TSHR: variants seen among roughly 807,000 people sequenced by gnomAD.
TSHR encodes the protein thyroid stimulating hormone receptor.
A neutral mutation model predicts 64.1 loss-of-function variants in TSHR; 51 were observed. That is an observed-to-expected ratio of 0.80 (90% CI 0.64 to 1.01). The LOEUF (loss-of-function observed/expected upper bound fraction) is 1.01, where lower values mean the gene tolerates loss of function less well. TSHR is among the 50% of genes least tolerant of loss of function. TSHR has a pLI of 0.00. For synonymous variants in TSHR, 361 were observed against 361.9 expected, an observed-to-expected ratio of 1.00 and a Z score of 0.03; for missense variants, 877 against 942.8, an observed-to-expected ratio of 0.93 and a Z score of 0.91.
intron 1 of TSHR, among the ~76,000 whole-genome samples, chr14:80,962,441 C>A (rs1192323320): frequency 6.6e-6 from 1 of 152,210 alleles, no homozygotes; most frequent in Non-Finnish European, 1.5e-5. Flanking sequence ...CTTTCTGGCT[C>A]TTCCTAGGGG....
At chr14:81,085,065 G>A (rs998546117) in intron 3 of TSHR, among the ~76,000 whole-genome samples, 6 of 152,158 alleles carry the variant, frequency 3.9e-5, no homozygotes, top group Admixed American at 1.3e-4. Flanking sequence ...GCGTTCAAGC[G>A]ATTCTCATGT....
At chr14:81,082,522 C>T (rs1368271977) in intron 3 of TSHR, among the ~76,000 whole-genome samples, 1 of 152,166 alleles carries the variant, frequency 6.6e-6, no homozygotes, top group African/African-American at 2.4e-5. Flanking sequence ...TCTGCTAAGT[C>T]CGAGTGCACT....
At chr14:81,115,014 C>T (rs1890429106) in intron 8 of TSHR, among the ~76,000 whole-genome samples, 2 of 152,114 alleles carry the variant, frequency 1.3e-5, no homozygotes, top group Non-Finnish European at 2.9e-5. Context: ...GACATCCACA[C>T]CAAAAACCCG....
At chr14:81,108,945 A>T in intron 8 of TSHR, 1 of 1,361,034 alleles carries the variant, frequency 7.3e-7, no homozygotes, top group South Asian at 1.6e-5. Flanking sequence ...ACAGCATGAA[A>T]ACATACCTAT....
At chr14:81,017,532 T>G (rs968310890) in intron 1 of TSHR, among the ~76,000 whole-genome samples, 1 of 152,146 alleles carries the variant, frequency 6.6e-6, no homozygotes, top group Non-Finnish European at 1.5e-5. Context: ...CCAGAACAGC[T>G]GGTACCCAAA....
Position 81,026,928 on chromosome 14 carries a change from T to C in TSHR, c.171-35220T>C, listed in dbSNP as rs897905412. Among the ~76,000 whole-genome samples, 3 of 150,340 alleles carry C rather than the reference T, an allele frequency of 2.0e-5. No individual in the cohort carries two copies. In the South Asian group the frequency reaches 6.3e-4, roughly 32 times the overall value. On this transcript the variant is annotated intron_variant, in intron 1 of 9. Coordinates refer to ENST00000298171, the MANE Select transcript of TSHR (RefSeq NM_000369.5). ...GCGGGCACCTATAATCCCAGCTATTTGGGAGGCTGAGGCAGGGGAATCACT... is the reference window on the plus strand; with the variant it reads ...GCGGGCACCTATAATCCCAGCTATTCGGGAGGCTGAGGCAGGGGAATCACT...
intron 8 of TSHR, among the ~76,000 whole-genome samples, chr14:81,128,245 T>C (rs764971814): frequency 2.0e-5 from 3 of 152,184 alleles, no homozygotes; most frequent in South Asian, 2.1e-4. Flanking sequence ...TCTTTACAGA[T>C]AGTCTATCAC....
At chr14:80,998,051 C>T (rs889201681) in intron 1 of TSHR, among the ~76,000 whole-genome samples, 6 of 152,258 alleles carry the variant, frequency 3.9e-5, no homozygotes, top group Non-Finnish European at 8.8e-5. Flanking sequence ...CATTATGAAC[C>T]ACCCAGTGCC....
Position 81,091,132 on chromosome 14 carries a change from A to T in TSHR, c.456A>T (p.Ile152=). 1 of 1,611,980 alleles carries T rather than the reference A, an allele frequency of 6.2e-7. No homozygotes were observed. The highest frequency in any genetic ancestry group is 8.5e-7 in the Non-Finnish European group (1 of 1,179,620). The change falls in exon 5 of 10, where the codon ATA becomes ATT. Residue 152 remains isoleucine (I), a synonymous_variant. Transcript: ENST00000298171. ...PDLTKVYSTD[I]FFILEITDNP... ...TGACCAAAGTTTATTCCACTGATAT[A>T]TTCTTTATACTGTAAGTATGCACAC...
intron 1 of TSHR, among the ~76,000 whole-genome samples, chr14:81,009,276 G>A (rs920194433): frequency 4.6e-5 from 7 of 152,220 alleles, no homozygotes; most frequent in African/African-American, 1.2e-4. Context: ...TTGGCAAAAC[G>A]TTTGTCAGTA....
chr14:81,018,810 C>T (rs990422800), intron 1 of TSHR, among the ~76,000 whole-genome samples: 15 of 151,958 alleles, frequency 9.9e-5, no homozygotes, highest in African/African-American at 3.1e-4. Flanking sequence ...AGTTGGTCAC[C>T]CTATGAAAAA....
At chr14:81,094,538 C>T (rs1056970913) in intron 6 of TSHR, among the ~76,000 whole-genome samples, 3 of 151,982 alleles carry the variant, frequency 2.0e-5, no homozygotes, top group Non-Finnish European at 4.4e-5. Flanking sequence ...GAATTAAACT[C>T]GCTATGTAAT....
intron 8 of TSHR, among the ~76,000 whole-genome samples, chr14:81,112,535 C>G (rs913087774): frequency 8.5e-5 from 13 of 152,090 alleles, no homozygotes; most frequent in African/African-American, 2.9e-4. Flanking sequence ...GGCCATTCAC[C>G]CAGCTGAAAT....
intron 6 of TSHR, among the ~76,000 whole-genome samples, 153 bp from the exon 7 acceptor site, chr14:81,096,486 G>A (rs1047818710): frequency 5.9e-5 from 9 of 152,256 alleles, no homozygotes; most frequent in African/African-American, 2.2e-4. Context: ...CCAACAACTT[G>A]TACTGGAAAG....
At chr14:81,127,351 A>G (rs1026948207) in intron 8 of TSHR, among the ~76,000 whole-genome samples, 1 of 152,160 alleles carries the variant, frequency 6.6e-6, no homozygotes, top group Non-Finnish European at 1.5e-5. Flanking sequence ...AGAAATAAAC[A>G]CTTAAAAAAA....
chr14:81,032,724 CA>C (rs1373390685), intron 1 of TSHR: 4 of 429,686 alleles, frequency 9.3e-6, no homozygotes, highest in African/African-American at 6.3e-5. Flanking sequence ...TGCCCATCAC[CA>C]GGTCATCATG....
chr14:81,065,296 G>A (rs1213917461), intron 2 of TSHR, among the ~76,000 whole-genome samples: 3 of 152,188 alleles, frequency 2.0e-5, no homozygotes, highest in Non-Finnish European at 2.9e-5. Context: ...TGTCTCAGTT[G>A]TAGGAAAAGA....
In TSHR at chr14:81,103,023, T is replaced by C. The variant is rs1889684736; in HGVS notation, c.615-5352T>C. The C allele has an allele frequency of 2.0e-6, 2 of 985,402 alleles. No individual in the cohort carries two copies. The highest frequency in any genetic ancestry group is 1.7e-5 in the African/African-American group (1 of 57,346). 61.0% of individuals were successfully genotyped at this position (985,402 alleles called of 1,614,324 possible). A position where few individuals can be genotyped will look rare whatever the true frequency, so the allele number is the denominator to read the frequency against. On this transcript the variant is annotated intron_variant, in intron 7 of 9. Transcript: ENST00000298171. This position sits in a 1 kb window ranked among gnomAD's most constrained non-coding sequence, Gnocchi z 4.1. ...CCCTAAGTTTCTGACTCCTAGTCAA[T>C]AGAAATTTATTCTTTCCTAGATTTA...
chr14:81,143,027 C>T lies in TSHR; in HGVS notation c.969C>T (p.His323=). 6.2e-7 allele frequency: 1 copy of T among 1,614,148 alleles called. No homozygotes were observed. The highest frequency in any genetic ancestry group is 8.5e-7 in the Non-Finnish European group (1 of 1,180,032). ...TGAATGCCTTGAATAGCCCCCTCCACCAGGAATATGAAGAGAATCTGGGTG... is the reference window on the plus strand; with the variant it reads ...TGAATGCCTTGAATAGCCCCCTCCATCAGGAATATGAAGAGAATCTGGGTG... ...KSVNALNSPL[H]QEYEENLGDS... The change falls in exon 10 of 10, where the codon CAC becomes CAT. Residue 323 remains histidine, a synonymous_variant. Transcript: ENST00000298171.
Sources: gnomAD v4.1 joint callset for allele counts (sites outside exome capture counted in the v4.1 genomes callset) on GRCh38, gnomAD v4.1.1 for gene constraint, Gnocchi (gnomAD v3.1) non-coding constraint, MANE v1.5 for transcripts, NCBI Gene and HGNC (gene_info 2026-07-23, HGNC 2026-07-21) for gene names.